The following ATP2B4 variants were observed in gnomAD, a reference collection of about 807,000 sequenced individuals.
The protein encoded by ATP2B4 is ATPase plasma membrane Ca2+ transporting 4, also known as plasma membrane calcium-transporting ATPase 4.
Under a neutral mutation model 110.3 loss-of-function variants are expected in ATP2B4, and 39 were observed. That is an observed-to-expected ratio of 0.35 (90% confidence interval 0.27 to 0.46). The LOEUF (loss-of-function observed/expected upper bound fraction) is 0.46, where lower values mean the gene tolerates loss of function less well. Ranked by LOEUF, ATP2B4 falls within the 20% of genes least tolerant of loss-of-function variation. The pLI, the probability that ATP2B4 is intolerant of heterozygous loss-of-function variation, is 1.00. For synonymous variants in ATP2B4, 538 were observed against 571.7 expected (o/e 0.94, Z 0.84); for missense variants, 1,135 against 1,530.9 (o/e 0.74, Z 4.32).
At chr1:203,726,680 T>TGA (rs2102224834) in intron 19 of ATP2B4, among the ~76,000 whole-genome samples, 1 of 152,252 alleles carries the variant, frequency 6.6e-6, no homozygotes, top group South Asian at 2.1e-4. Context: ...CTTCCCCACA[T>TGA]GAGCCCTGGC....
chr1:203,735,583 A>G (rs1666858497), intron 20 of ATP2B4, among the ~76,000 whole-genome samples: 1 of 151,934 alleles, frequency 6.6e-6, no homozygotes, highest in Admixed American at 6.6e-5. Flanking sequence ...GGTTGACCAG[A>G]CTTAGATTTG....
chr1:203,726,445 A>G (rs968770523), intron 19 of ATP2B4, among the ~76,000 whole-genome samples: 10 of 149,968 alleles, frequency 6.7e-5, no homozygotes, highest in Admixed American at 3.3e-4. Context: ...TTTTTTACCA[A>G]TGGGTTCCTA....
chr1:203,731,896 A>C (rs964557364), intron 20 of ATP2B4, among the ~76,000 whole-genome samples: 1 of 149,030 alleles, frequency 6.7e-6, no homozygotes, highest in Non-Finnish European at 1.5e-5. Flanking sequence ...GGAAGGAAGG[A>C]AGCTGGGCAC....
chr1:203,669,443 G>T (rs1160481933), intron 1 of ATP2B4, among the ~76,000 whole-genome samples: 1 of 152,046 alleles, frequency 6.6e-6, no homozygotes, highest in Non-Finnish European at 1.5e-5. Context: ...TTGTTCGTTT[G>T]TCTGTTTTTT....
At position 203,653,724 on chromosome 1, in the gene ATP2B4, CT is replaced by C. The variant is rs749168037; in HGVS notation, c.-465+26509del. 4.8e-4 allele frequency among the ~76,000 whole-genome samples: 73 copies of C among 151,306 alleles called. 1 individual carries two copies. The highest frequency in any genetic ancestry group is 1.7e-3 in the Admixed American group (26 of 15,178). On this transcript the variant is annotated intron_variant, in intron 1 of 20. Transcript: ENST00000357681. ...GGCACCCGCCACCACGCCCTGCTAACTTTTATATTTTTAGTAGAGACGGGGT... is the reference window on the plus strand; with the variant it reads ...GGCACCCGCCACCACGCCCTGCTAACTTTATATTTTTAGTAGAGACGGGGT...
chr1:203,736,838 G>C (rs928761202), intron 20 of ATP2B4, among the ~76,000 whole-genome samples: 2 of 152,190 alleles, frequency 1.3e-5, no homozygotes, highest in Admixed American at 6.5e-5. Flanking sequence ...GTGCATGATT[G>C]TTCATCAGCA....
At chr1:203,719,540 A>G (rs1230210871) in intron 15 of ATP2B4, among the ~76,000 whole-genome samples, 2 of 151,552 alleles carry the variant, frequency 1.3e-5, no homozygotes, top group Admixed American at 6.6e-5. Flanking sequence ...TGAAACCCCT[A>G]TCTCTACTAA....
intron 20 of ATP2B4, among the ~76,000 whole-genome samples, chr1:203,728,975 A>G (rs1447868573): frequency 2.1e-5 from 3 of 144,512 alleles, no homozygotes; most frequent in African/African-American, 7.8e-5. Flanking sequence ...AATACAAGCC[A>G]GGCATGGTGG....
Position 203,641,351 on chromosome 1 carries a change from G to A in ATP2B4, c.-465+14132G>A, listed in dbSNP as rs143948464. 5.1e-3 allele frequency among the ~76,000 whole-genome samples: 773 copies of A among 152,322 alleles called. 9 individuals are homozygous for A. Among genetic ancestry groups the A allele is most frequent in the African/African-American group, 0.017 (719 of 41,554 alleles). On this transcript the variant is annotated intron_variant, in intron 1 of 20. Transcript: ENST00000357681. ...TCCAGTGATCTGTGGCTTGTGGCAG[G>A]GGAGGGAGACTAATCAGGCCTATCT...
In ATP2B4 at chr1:203,698,266, T is replaced by G. The variant is rs774386259; in HGVS notation, c.303T>G (p.Leu101=). Residue 101 remains leucine, a synonymous_variant, in exon 3 of 21, where the codon CTT becomes CTG. Coordinates refer to ENST00000357681, the MANE Select transcript of ATP2B4 (RefSeq NM_001684.5). The part of the protein sequence containing the change: ...KTFLELVWEA[L]QDVTLIILEI... ...TCTTAGAATTAGTGTGGGAAGCTCT[T>G]CAAGATGTCACGCTTATCATCCTGG... The G allele has an allele frequency of 6.8e-6, 11 of 1,614,034 alleles. No homozygotes were observed. In the East Asian group the frequency reaches 2.4e-4, roughly 36 times the overall value.
chr1:203,643,948 C>A (rs1663711273), intron 1 of ATP2B4, among the ~76,000 whole-genome samples: 1 of 152,078 alleles, frequency 6.6e-6, no homozygotes, highest in Non-Finnish European at 1.5e-5. Context: ...GAATGAGGAT[C>A]AGTAAAGAAC....
intron 1 of ATP2B4, among the ~76,000 whole-genome samples, chr1:203,663,143 AT>A (rs553074866): frequency 1.8e-4 from 28 of 151,918 alleles, no homozygotes; most frequent in Non-Finnish European, 4.0e-4. Flanking sequence ...TGTTTTTTGC[AT>A]TTCTTCCCCT....
At chr1:203,714,147 C>T (rs990850760) in intron 14 of ATP2B4, 24 bp from the exon 15 acceptor site, 1 of 1,610,698 alleles carries the variant, frequency 6.2e-7, no homozygotes, top group African/African-American at 1.3e-5. Flanking sequence ...GAAAAGCTCA[C>T]TGTGGTGTGT....
intron 1 of ATP2B4, among the ~76,000 whole-genome samples, chr1:203,647,765 T>A (rs1273103506): frequency 2.0e-5 from 3 of 151,690 alleles, no homozygotes; most frequent in East Asian, 3.9e-4. Context: ...TCTTAAAAAA[T>A]TTAAATATAT....
chr1:203,642,744 A>G (rs1663669797), intron 1 of ATP2B4, among the ~76,000 whole-genome samples: 1 of 152,122 alleles, frequency 6.6e-6, no homozygotes, highest in Non-Finnish European at 1.5e-5. Context: ...TGTTATATAA[A>G]AGTGCAGATT....
chr1:203,647,159 G>T (rs754215783), intron 1 of ATP2B4, among the ~76,000 whole-genome samples: 105 of 152,108 alleles, frequency 6.9e-4, no homozygotes, highest in Non-Finnish European at 1.3e-3. Context: ...AAGCTGATGG[G>T]CTGGGCACAA....
intron 1 of ATP2B4, among the ~76,000 whole-genome samples, chr1:203,651,264 A>G (rs139641956): frequency 6.9e-4 from 105 of 151,674 alleles, no homozygotes; most frequent in African/African-American, 1.3e-3. Context: ...TTCTAGTTCT[A>G]TCTCTTTTGT....
chr1:203,718,505 G>C (rs1255348287), intron 15 of ATP2B4, among the ~76,000 whole-genome samples: 1 of 151,808 alleles, frequency 6.6e-6, no homozygotes, highest in Non-Finnish European at 1.5e-5. Context: ...TCGCCATTTT[G>C]GCCAGAGTGG....
In ATP2B4 at chr1:203,740,734, A is replaced by G. The variant is rs1173301765; in HGVS notation, c.*880A>G. On this transcript the variant is annotated 3_prime_UTR_variant, in exon 21 of 21. Coordinates refer to ENST00000357681, the MANE Select transcript of ATP2B4 (RefSeq NM_001684.5). ...TGAAGGTTGCATATGTGTGGTATAC[A>G]GTTTTTACCTGAAAGCCTGAGCTTT... is the stretch of plus-strand genomic sequence containing the variant. 1.3e-5 allele frequency: 2 copies of G among 152,268 alleles called. No individual in the cohort carries two copies. The highest frequency in any genetic ancestry group is 2.4e-5 in the African/African-American group (1 of 41,462). 9.4% of individuals were successfully genotyped at this position (152,268 alleles called of 1,614,324 possible). A position where few individuals can be genotyped will look rare whatever the true frequency, so the allele number is the denominator to read the frequency against.
Sources: allele counts gnomAD v4.1 joint callset (sites outside exome capture counted in the v4.1 genomes callset), GRCh38; gene constraint gnomAD v4.1.1; transcripts MANE v1.5; gene names NCBI Gene and HGNC (gene_info 2026-07-23, HGNC 2026-07-21).